TSHZ2: variants seen among roughly 807,000 people sequenced by gnomAD.
TSHZ2 encodes the protein teashirt homolog 2.
A neutral mutation model predicts 74.4 loss-of-function variants in TSHZ2; 21 were observed. The ratio of observed to expected loss-of-function variants is 0.28; its 90% CI spans 0.20 to 0.41. The LOEUF is 0.41. TSHZ2 is among the 10% of genes least tolerant of loss of function. TSHZ2 has a pLI of 1.00. For missense variants in TSHZ2, 1,244 were observed against 1,293.5 expected (o/e 0.96, Z 0.59); for synonymous variants, 540 against 515.3 (o/e 1.05, Z -0.65).
intron 1 of TSHZ2, chr20:53,185,150 A>G (rs1428308343): frequency 4.8e-5 from 46 of 963,316 alleles, no homozygotes; most frequent in Non-Finnish European, 5.4e-5. Flanking sequence ...CCAGAATTAT[A>G]GAAGAGATTG....
intron 2 of TSHZ2, among the ~76,000 whole-genome samples, chr20:53,307,601 G>A (rs893424133): frequency 1.3e-5 from 2 of 152,200 alleles, no homozygotes; most frequent in African/African-American, 4.8e-5. Flanking sequence ...CTGTAAGAGT[G>A]GGCCTGGATG....
intron 2 of TSHZ2, among the ~76,000 whole-genome samples, chr20:53,410,637 T>C (rs907132955): frequency 1.4e-5 from 2 of 140,662 alleles, no homozygotes; most frequent in African/African-American, 5.2e-5. Flanking sequence ...AGCTGTGTTA[T>C]ATTTATGAAA....
chr20:53,141,211 A>C (rs1005152696), intron 1 of TSHZ2, among the ~76,000 whole-genome samples: 1 of 152,178 alleles, frequency 6.6e-6, no homozygotes, highest in African/African-American at 2.4e-5. Context: ...GCAGACAGCA[A>C]AATGAGCTCC....
At chr20:53,187,535 G>A (rs1432513856) in intron 1 of TSHZ2, among the ~76,000 whole-genome samples, 1 of 152,164 alleles carries the variant, frequency 6.6e-6, no homozygotes, top group Non-Finnish European at 1.5e-5. Context: ...CTGGAAGCGA[G>A]CAGTATCATT....
intron 2 of TSHZ2, among the ~76,000 whole-genome samples, chr20:53,442,835 G>A (rs576184381): frequency 6.6e-6 from 1 of 152,292 alleles, no homozygotes; most frequent in African/African-American, 2.4e-5. Context: ...AGCCGGCAGA[G>A]GTTTGTGATG....
chr20:53,415,805 C>T (rs1297250738), intron 2 of TSHZ2, among the ~76,000 whole-genome samples: 75 of 56,414 alleles, frequency 1.3e-3, no homozygotes, highest in African/African-American at 5.6e-3. Context: ...GATATACACA[C>T]ACACACACAC....
chr20:52,977,208 G>A (rs1486690717), intron 1 of TSHZ2, among the ~76,000 whole-genome samples: 1 of 152,080 alleles, frequency 6.6e-6, no homozygotes, highest in Non-Finnish European at 1.5e-5. Flanking sequence ...GAGGGAGGGG[G>A]CAGGCAGCTC....
intron 1 of TSHZ2, among the ~76,000 whole-genome samples, chr20:53,171,033 G>A (rs953816643): frequency 2.6e-5 from 4 of 151,194 alleles, no homozygotes; most frequent in Non-Finnish European, 4.4e-5. Flanking sequence ...ATTATGCACC[G>A]CAGCTTTAAT....
chr20:53,262,009 G>C (rs558864812), intron 2 of TSHZ2, among the ~76,000 whole-genome samples: 29 of 152,302 alleles, frequency 1.9e-4, no homozygotes, highest in Admixed American at 1.8e-3. Flanking sequence ...GCTGCTCTCT[G>C]TGAGGATCTT....
chr20:53,114,571 A>G lies in TSHZ2; in HGVS notation c.41-138928A>G, dbSNP rs547091940. On this transcript the variant is annotated intron_variant, in intron 1 of 2. Transcript: ENST00000371497. ...ATTACATGTGTTGGGCACCTCTGTC[A>G]GCAAGTTAGAAATTTGAGGTGTAAA... Among the ~76,000 whole-genome samples the G allele has an allele frequency of 3.9e-5, 6 of 152,356 alleles. No homozygotes were observed. The East Asian group carries it at 1.2e-3, about 29-fold the overall frequency.
intron 2 of TSHZ2, among the ~76,000 whole-genome samples, chr20:53,392,740 T>C (rs1311652946): frequency 6.6e-6 from 1 of 152,228 alleles, no homozygotes; most frequent in African/African-American, 2.4e-5. Context: ...TTGGGGTACC[T>C]ATGCAGGTTT....
At chr20:52,997,266 G>A (rs959179376) in intron 1 of TSHZ2, among the ~76,000 whole-genome samples, 125 of 151,002 alleles carry the variant, frequency 8.3e-4, no homozygotes, top group Admixed American at 1.8e-3. Context: ...CCCCGGGGGG[G>A]GGTTCAGCAC....
chr20:53,145,549 A>G (rs1987519377), intron 1 of TSHZ2, among the ~76,000 whole-genome samples: 1 of 152,230 alleles, frequency 6.6e-6, no homozygotes, highest in Admixed American at 6.5e-5. Context: ...CCAGCCTGAC[A>G]GCCCAGTGGG....
At chr20:53,151,136 T>C (rs1206510991) in intron 1 of TSHZ2, among the ~76,000 whole-genome samples, 1 of 152,198 alleles carries the variant, frequency 6.6e-6, no homozygotes, top group Non-Finnish European at 1.5e-5. Flanking sequence ...GCATGCAGTA[T>C]GTTTTTTCTA....
intron 2 of TSHZ2, among the ~76,000 whole-genome samples, chr20:53,428,384 T>G (rs1279974037): frequency 6.6e-6 from 1 of 152,190 alleles, no homozygotes; most frequent in Non-Finnish European, 1.5e-5. Flanking sequence ...TGGCACTAAT[T>G]CTAAGTCACT....
At chr20:53,115,677 G>A (rs2123335801) in intron 1 of TSHZ2, among the ~76,000 whole-genome samples, 1 of 152,234 alleles carries the variant, frequency 6.6e-6, no homozygotes, top group East Asian at 1.9e-4. Flanking sequence ...GTGCAGAGGT[G>A]GGGAGGGAAC....
intron 2 of TSHZ2, among the ~76,000 whole-genome samples, chr20:53,478,533 G>T (rs1986051839): frequency 8.9e-6 from 1 of 112,092 alleles, no homozygotes. Flanking sequence ...GAGGGGGGAG[G>T]GATAGCATTG....
At chr20:53,193,116 A>G (rs1988778172) in intron 1 of TSHZ2, among the ~76,000 whole-genome samples, 1 of 151,852 alleles carries the variant, frequency 6.6e-6, no homozygotes, top group African/African-American at 2.4e-5. Flanking sequence ...TCGTCTGTAT[A>G]GAACCATGAA....
In TSHZ2 at chr20:53,457,217, A is replaced by G. The variant is rs1396048002; in HGVS notation, c.*9-29927A>G. On this transcript the variant is annotated intron_variant, in intron 2 of 2. Coordinates refer to ENST00000371497, the MANE Select transcript of TSHZ2 (RefSeq NM_173485.6). ...ATGGAATGTTCTTCCAGTTGTTTGTATCCTCTTTTATTTCTTTGAGCAGCA... is the reference window on the plus strand; with the variant it reads ...ATGGAATGTTCTTCCAGTTGTTTGTGTCCTCTTTTATTTCTTTGAGCAGCA... 4.1e-5 allele frequency among the ~76,000 whole-genome samples: 6 copies of G among 145,608 alleles called. 2 individuals are homozygous for G. The highest frequency in any genetic ancestry group is 1.6e-4 in the African/African-American group (6 of 37,784).
Sources: gnomAD v4.1 joint callset for allele counts (sites outside exome capture counted in the v4.1 genomes callset) on GRCh38, gnomAD v4.1.1 for gene constraint, MANE v1.5 for transcripts, NCBI Gene and HGNC (gene_info 2026-07-23, HGNC 2026-07-21) for gene names.